PLOD2: variants seen among roughly 807,000 people sequenced by gnomAD.
PLOD2 encodes lysine hydroxylase 2.
Under a neutral mutation model 101.0 loss-of-function variants are expected in PLOD2, and 65 were observed. The ratio of observed to expected loss-of-function variants is 0.64; its 90% CI spans 0.53 to 0.79. The LOEUF (loss-of-function observed/expected upper bound fraction) is 0.79. Ranked by LOEUF, PLOD2 falls within the 30% of genes least tolerant of loss-of-function variation. The probability of loss-of-function intolerance (pLI) is 0.00; values close to 1 mark genes in which losing one functional copy is unlikely to be tolerated. For synonymous variants in PLOD2, 314 were observed against 302.9 expected, an observed-to-expected ratio of 1.04 and a Z score of -0.38; for missense variants, 909 against 914.6, an observed-to-expected ratio of 0.99 and a Z score of 0.08.
Position 146,124,138 on chromosome 3 carries a change from C to T in PLOD2, c.201G>A (p.Lys67=), listed in dbSNP as rs756909036. 8 of 1,493,162 alleles carry T rather than the reference C, an allele frequency of 5.4e-6. No homozygotes were observed. Among genetic ancestry groups the T allele is most frequent in the African/African-American group, 2.8e-5 (2 of 72,614 alleles). The allele number at this position is 1,493,162 out of a possible 1,614,324, so 92.5% of individuals were successfully genotyped here. A position where few individuals can be genotyped will look rare whatever the true frequency, so the allele number is the denominator to read the frequency against. Residue 67 remains lysine (K), a splice_region_variant and synonymous_variant, in exon 2 of 20, where the codon AAG becomes AAA. Transcript: ENST00000282903. ...QSAKYFNYTV[K]VLGQGEEWRG... is the part of the protein sequence containing the mutation. ...TCATAGGTTAAAGGATATACCATAC[C>T]TTCACAGTATAATTGAAATATTTGG...
At chr3:146,120,794 G>C (rs189203883) in intron 3 of PLOD2, among the ~76,000 whole-genome samples, 5 of 151,954 alleles carry the variant, frequency 3.3e-5, no homozygotes, top group African/African-American at 1.2e-4. Context: ...GCGCAATCTC[G>C]GCTCACTGCA....
rs1424281815 is a variant in PLOD2, at chr3:146,100,833, A to C, written c.777+1922T>G. 2.6e-5 allele frequency among the ~76,000 whole-genome samples: 4 copies of C among 152,192 alleles called. No individual in the cohort carries two copies. In the South Asian group the frequency reaches 8.3e-4, roughly 31 times the overall value. On this transcript the variant is annotated intron_variant, in intron 7 of 19. Coordinates refer to ENST00000282903, the MANE Select transcript of PLOD2 (RefSeq NM_182943.3). ...TTGAGGATTTTCAACTTCATACCTA[A>C]GTTCACAGAAAATCATTATATAGGT...
At chr3:146,075,896 C>T (rs1936315681) in intron 15 of PLOD2, 1 of 151,688 alleles carries the variant, frequency 6.6e-6, no homozygotes, top group East Asian at 1.9e-4. Flanking sequence ...TCATGAAATA[C>T]AATTAATTAT....
rs1375583 is a variant in PLOD2, at chr3:146,085,351, T to C, written c.1128-78A>G. 0.5 allele frequency: 380,856 copies of C among 756,334 alleles called. 96,630 individuals carry two copies. The highest frequency in any genetic ancestry group is 0.56 in the Middle Eastern group (2,285 of 4,098). The allele number at this position is 756,334 out of a possible 1,614,324, so 46.9% of individuals were successfully genotyped here. On this transcript the variant is annotated intron_variant, in intron 10 of 19. Transcript: ENST00000282903. The stretch of plus-strand genomic sequence containing the variant: ...GACTGAAAAATGTTAATATATATAT[T>C]CTTTTATGTAAAATATGGTTCTCTA...
Position 146,121,155 on chromosome 3 carries a change from G to T in PLOD2, c.295C>A (p.His99Asn). 1 of 1,608,130 alleles carries T rather than the reference G, an allele frequency of 6.2e-7. No homozygotes were observed. The highest frequency in any genetic ancestry group is 2.2e-5 in the East Asian group (1 of 44,804). Residue 99 changes from histidine to asparagine, a missense_variant, in exon 3 of 20, where the codon CAC becomes AAC. Transcript: ENST00000282903. ...KVRLMKEVME[H>N]YADQDDLVVM... ...ACCAGATCATCTTGATCAGCATAGTGTTCCATGACTTCTTTCATTAATCTC... is the reference window on the plus strand; with the variant it reads ...ACCAGATCATCTTGATCAGCATAGTTTTCCATGACTTCTTTCATTAATCTC...
In PLOD2 at chr3:146,088,627, C is replaced by T. The variant is rs754669528; in HGVS notation, c.964G>A (p.Asp322Asn). Residue 322 changes from aspartate to asparagine, a missense_variant, in exon 9 of 20, where the codon GAT (aspartate) becomes AAT (asparagine). By Grantham distance (23) the Asp-to-Asn change is conservative. Transcript: ENST00000282903. ...AGTTTAAGTGCTTCTTTTGGGTAATCCAGTGTCAACAATATGTCCAGAAAC... is the reference window on the plus strand; with the variant it reads ...AGTTTAAGTGCTTCTTTTGGGTAATTCAGTGTCAACAATATGTCCAGAAAC... ...PRFLDILLTLDYPKEALKLFI... is the reference protein window; with the variant it reads ...PRFLDILLTLNYPKEALKLFI... 27 of 1,593,932 alleles carry T rather than the reference C, an allele frequency of 1.7e-5. No homozygotes were observed. Among genetic ancestry groups the T allele is most frequent in the Middle Eastern group, 3.3e-4 (2 of 6,036 alleles).
intron 17 of PLOD2, among the ~76,000 whole-genome samples, 179 bp downstream of exon 17, chr3:146,072,382 A>C (rs1936175142): frequency 6.6e-6 from 1 of 151,720 alleles, no homozygotes; most frequent in African/African-American, 2.4e-5. Flanking sequence ...AAATTACTTA[A>C]GTGTTAAAAA....
chr3:146,122,818 C>G (rs1259655380), intron 2 of PLOD2, among the ~76,000 whole-genome samples: 2 of 152,140 alleles, frequency 1.3e-5, no homozygotes, highest in African/African-American at 4.8e-5. Flanking sequence ...AGTGACTTAA[C>G]AGCATATCAT....
intron 1 of PLOD2, among the ~76,000 whole-genome samples, chr3:146,151,888 A>G (rs2032073917): frequency 6.6e-6 from 1 of 152,196 alleles, no homozygotes; most frequent in South Asian, 2.1e-4. Flanking sequence ...ATTAATTACC[A>G]AAATTTCACA....
At chr3:146,109,906 G>A (rs753659739) in intron 4 of PLOD2, among the ~76,000 whole-genome samples, 32 of 151,928 alleles carry the variant, frequency 2.1e-4, no homozygotes, top group Non-Finnish European at 3.1e-4. Context: ...ACTTGATTGC[G>A]GACTGAGAAT....
At chr3:146,093,482 T>A (rs1286875503) in intron 7 of PLOD2, among the ~76,000 whole-genome samples, 9 of 152,136 alleles carry the variant, frequency 5.9e-5, no homozygotes, top group Admixed American at 5.9e-4. Context: ...TGTTGTCAAA[T>A]GACAAAGGCA....
At chr3:146,090,015 T>G (rs1936922393) in intron 8 of PLOD2, among the ~76,000 whole-genome samples, 1 of 151,474 alleles carries the variant, frequency 6.6e-6, no homozygotes, top group African/African-American at 2.4e-5. Flanking sequence ...AAGTTCATGT[T>G]TATATAACAA....
rs1467543972 is a variant in PLOD2 at position 146,110,511 on chromosome 3, T to C, written c.339-63A>G. On this transcript the variant is annotated intron_variant, in intron 3 of 19. Transcript: ENST00000282903. ...TGTCAGAATCTAGGCACATAAACCA[T>C]GAAAAGTTCTCTAACAAAAGTCAGA... 7.5e-6 allele frequency: 10 copies of C among 1,337,224 alleles called. No individual in the cohort carries two copies. In the Admixed American group the frequency reaches 1.5e-4, roughly 20 times the overall value. The allele number at this position is 1,337,224 out of a possible 1,614,324, so 82.8% of individuals were successfully genotyped here.
chr3:146,113,683 C>A (rs1937754857), intron 3 of PLOD2, among the ~76,000 whole-genome samples: 1 of 152,130 alleles, frequency 6.6e-6, no homozygotes, highest in Admixed American at 6.6e-5. Flanking sequence ...TCTTCGTAAG[C>A]TGAGGATGTG....
chr3:146,106,444 C>A, intron 5 of PLOD2, 88 bp downstream of exon 5: 1 of 769,708 alleles, frequency 1.3e-6, no homozygotes, highest in South Asian at 1.4e-5. Context: ...TATCATAAAA[C>A]CTTTGTTTCT....
At chr3:146,129,977 G>A (rs1227735028) in intron 1 of PLOD2, among the ~76,000 whole-genome samples, 2 of 152,112 alleles carry the variant, frequency 1.3e-5, no homozygotes, top group Non-Finnish European at 2.9e-5. Flanking sequence ...TTTCAAAACA[G>A]TTAGATATCT....
chr3:146,128,030 A>G (rs1252202283), intron 1 of PLOD2, among the ~76,000 whole-genome samples: 1 of 152,200 alleles, frequency 6.6e-6, no homozygotes, highest in Non-Finnish European at 1.5e-5. Flanking sequence ...CTAAACTTCC[A>G]ATCAAAAGAA....
chr3:146,128,240 C>T (rs2030695109), intron 1 of PLOD2, among the ~76,000 whole-genome samples: 2 of 152,070 alleles, frequency 1.3e-5, no homozygotes, highest in African/African-American at 4.8e-5. Context: ...ATAACAGGCA[C>T]CTGCCAACCA....
chr3:146,091,977 T>A, intron 7 of PLOD2, 76 bp from the exon 8 acceptor site: 1 of 783,706 alleles, frequency 1.3e-6, no homozygotes, highest in Non-Finnish European at 2.3e-6. Context: ...ATCATCTAAT[T>A]TAAAAGCATG....
Sources: gnomAD v4.1 joint callset for allele counts (sites outside exome capture counted in the v4.1 genomes callset) on GRCh38, gnomAD v4.1.1 for gene constraint, MANE v1.5 for transcripts, NCBI Gene and HGNC (gene_info 2026-07-23, HGNC 2026-07-21) for gene names.